The following CTNND2 variants were observed in gnomAD, a reference collection of about 807,000 sequenced individuals.
The protein encoded by CTNND2 is catenin delta 2, also known as catenin delta-2.
Under a neutral mutation model 144.4 loss-of-function variants are expected in CTNND2, and 22 were observed. The observed-to-expected ratio is 0.15, with a 90% CI of 0.11 to 0.22. The LOEUF (loss-of-function observed/expected upper bound fraction) is 0.22, where lower values mean the gene tolerates loss of function less well. CTNND2 is among the 10% of genes least tolerant of loss of function. CTNND2 has a pLI of 1.00. For missense variants in CTNND2, 1,353 were observed against 1,618.8 expected, an observed-to-expected ratio of 0.84 and a Z score of 2.82; for synonymous variants, 751 against 695.6, an observed-to-expected ratio of 1.08 and a Z score of -1.25.
intron 11 of CTNND2, among the ~76,000 whole-genome samples, chr5:11,179,603 T>C (rs1760811378): frequency 6.6e-6 from 1 of 152,168 alleles, no homozygotes; most frequent in East Asian, 1.9e-4. Flanking sequence ...AGATAGGAGA[T>C]ATATTTGTTA....
rs565505733 is a variant in CTNND2, at chr5:11,227,563, C to G, written c.1761+9128G>C. ...TGAAAAGATGAATAGCACATTCCCT[C>G]GAACTATATGAGGTAGAAAGAACTA... On this transcript the variant is annotated intron_variant, in intron 10 of 21. Transcript: ENST00000304623. 8.6e-4 allele frequency among the ~76,000 whole-genome samples: 131 copies of G among 152,212 alleles called. 1 individual carries two copies. Among genetic ancestry groups the G allele is most frequent in the African/African-American group, 3.0e-3 (125 of 41,516 alleles).
chr5:11,806,156 T>A (rs1791984229), intron 1 of CTNND2, among the ~76,000 whole-genome samples: 1 of 152,046 alleles, frequency 6.6e-6, no homozygotes. Flanking sequence ...GAATAAAGTG[T>A]GGAGTTTAGT....
In CTNND2 at chr5:10,972,728, A is replaced by G. The variant is rs2149474976; in HGVS notation, c.*725T>C. ...TGCCTTGTTTAGTTGTCACAAACAA[A>G]TTCACATATCAGAACGAACAATACT... On this transcript the variant is annotated 3_prime_UTR_variant, in exon 22 of 22. Coordinates refer to ENST00000304623, the MANE Select transcript of CTNND2 (RefSeq NM_001332.4). The G allele has an allele frequency of 6.6e-6, 1 of 152,592 alleles. No homozygotes were observed. The allele number at this position is 152,592 out of a possible 1,614,324, so 9.5% of individuals were successfully genotyped here.
At chr5:11,051,698 C>T (rs542626614) in intron 16 of CTNND2, among the ~76,000 whole-genome samples, 3 of 151,932 alleles carry the variant, frequency 2.0e-5, no homozygotes, top group Non-Finnish European at 4.4e-5. Context: ...TCTTGTAATA[C>T]CTGTTCTCTA....
chr5:11,252,848 G>C (rs1339475420), intron 9 of CTNND2, among the ~76,000 whole-genome samples: 2 of 152,186 alleles, frequency 1.3e-5, no homozygotes, highest in African/African-American at 4.8e-5. Context: ...TGAGGATAAA[G>C]TAAAATTCAT....
chr5:11,569,310 C>A (rs1346966433), intron 2 of CTNND2, among the ~76,000 whole-genome samples: 2 of 152,070 alleles, frequency 1.3e-5, no homozygotes, highest in East Asian at 3.9e-4. Context: ...TGTAAGAGAT[C>A]ATAAATATTC....
At position 11,258,657 on chromosome 5, in the gene CTNND2, A is replaced by G. The variant is rs974946340; in HGVS notation, c.1629-21834T>C. On this transcript the variant is annotated intron_variant, in intron 9 of 21. Transcript: ENST00000304623. ...TTTTTCAATGTGGCAGGTTATGAAA[A>G]ACACTCATGAGCAGTTTCTTCACCT... Among the ~76,000 whole-genome samples the G allele has an allele frequency of 1.1e-4, 16 of 152,308 alleles. 1 individual carries two copies. The highest frequency in any genetic ancestry group is 5.9e-4 in the Admixed American group (9 of 15,296).
At chr5:11,239,911 A>G (rs956031205) in intron 9 of CTNND2, among the ~76,000 whole-genome samples, 1 of 152,220 alleles carries the variant, frequency 6.6e-6, no homozygotes, top group Non-Finnish European at 1.5e-5. Flanking sequence ...CTCTGAGGCC[A>G]GGGCCCCAAC....
At chr5:11,810,701 A>G (rs531749322) in intron 1 of CTNND2, among the ~76,000 whole-genome samples, 5 of 152,182 alleles carry the variant, frequency 3.3e-5, no homozygotes, top group Non-Finnish European at 7.3e-5. Flanking sequence ...AATTACTGGC[A>G]TGTGTACATG....
chr5:11,363,016 A>G (rs1756623448), intron 8 of CTNND2, among the ~76,000 whole-genome samples: 1 of 152,204 alleles, frequency 6.6e-6, no homozygotes, highest in African/African-American at 2.4e-5. Flanking sequence ...TAATTTTCAC[A>G]TATTACAGAA....
intron 3 of CTNND2, among the ~76,000 whole-genome samples, chr5:11,429,789 G>A (rs780644286): frequency 6.6e-6 from 1 of 151,972 alleles, no homozygotes; most frequent in Non-Finnish European, 1.5e-5. Flanking sequence ...TCTAGCAAGC[G>A]GGTTCTCGCA....
intron 3 of CTNND2, among the ~76,000 whole-genome samples, chr5:11,545,117 T>C (rs1581459212): frequency 4.0e-5 from 4 of 101,248 alleles, no homozygotes; most frequent in Admixed American, 2.5e-4. Flanking sequence ...CGAGACTCCG[T>C]CTCAAAAAAA....
At chr5:11,208,697 G>A (rs1175580755) in intron 10 of CTNND2, among the ~76,000 whole-genome samples, 2 of 152,044 alleles carry the variant, frequency 1.3e-5, no homozygotes, top group African/African-American at 4.8e-5. Flanking sequence ...AAAGCACTAG[G>A]GGGATCTACA....
intron 12 of CTNND2, among the ~76,000 whole-genome samples, chr5:11,122,546 T>C (rs1209580245): frequency 3.3e-5 from 5 of 151,982 alleles, no homozygotes; most frequent in Non-Finnish European, 7.4e-5. Flanking sequence ...TACTTACATG[T>C]CCTTGAGCCC....
At chr5:11,015,595 T>G (rs1741525877) in intron 18 of CTNND2, among the ~76,000 whole-genome samples, 1 of 152,204 alleles carries the variant, frequency 6.6e-6, no homozygotes, top group Non-Finnish European at 1.5e-5. Context: ...ATGAAAAACA[T>G]TAAGATGGAA....
chr5:11,244,204 A>G (rs1001146756), intron 9 of CTNND2, among the ~76,000 whole-genome samples: 3 of 152,138 alleles, frequency 2.0e-5, no homozygotes, highest in African/African-American at 4.8e-5. Context: ...TTCAACAATT[A>G]ACATATAAAA....
intron 1 of CTNND2, among the ~76,000 whole-genome samples, chr5:11,805,748 C>T (rs758961874): frequency 5.9e-5 from 9 of 152,206 alleles, no homozygotes; most frequent in Non-Finnish European, 1.2e-4. Flanking sequence ...CAGAATTCCA[C>T]GTAACTCACA....
At chr5:11,632,756 T>C (rs139321388) in intron 2 of CTNND2, among the ~76,000 whole-genome samples, 27 of 152,248 alleles carry the variant, frequency 1.8e-4, no homozygotes, top group African/African-American at 6.0e-4. Context: ...TAAAGGAATA[T>C]ATTATGATGA....
chr5:11,551,634 T>C (rs1215063445), intron 3 of CTNND2, among the ~76,000 whole-genome samples: 1 of 152,004 alleles, frequency 6.6e-6, no homozygotes, highest in Non-Finnish European at 1.5e-5. Context: ...GTTTTGCTCT[T>C]GTTACACAGG....
Sources: gnomAD v4.1 joint callset for allele counts (sites outside exome capture counted in the v4.1 genomes callset) on GRCh38, gnomAD v4.1.1 for gene constraint, MANE v1.5 for transcripts, NCBI Gene and HGNC (gene_info 2026-07-23, HGNC 2026-07-21) for gene names.